The following CAMK4 variants were observed in gnomAD, a reference collection of about 807,000 sequenced individuals.
CAMK4 encodes calcium/calmodulin-dependent protein kinase type IV.
CAMK4 carries 22 observed loss-of-function variants against 44.9 expected under a neutral mutation model. The observed-to-expected ratio is 0.49, with a 90% CI of 0.35 to 0.70. The LOEUF (loss-of-function observed/expected upper bound fraction) is 0.70, where lower values mean the gene tolerates loss of function less well. Ranked by LOEUF, CAMK4 falls within the 30% of genes least tolerant of loss-of-function variation. The pLI is 0.01. For missense variants in CAMK4, 498 were observed against 586.8 expected (o/e 0.85, Z 1.56); for synonymous variants, 218 against 215.4 (o/e 1.01, Z -0.11).
intron 2 of CAMK4, among the ~76,000 whole-genome samples, chr5:111,360,596 C>T (rs377132990): frequency 5.3e-5 from 8 of 152,098 alleles, no homozygotes; most frequent in African/African-American, 1.4e-4. Flanking sequence ...TGTGTGCATA[C>T]TACCCAATTA....
chr5:111,477,032 T>C (rs1182766894), intron 8 of CAMK4, among the ~76,000 whole-genome samples: 1 of 152,170 alleles, frequency 6.6e-6, no homozygotes, highest in Non-Finnish European at 1.5e-5. Flanking sequence ...CATGACTAAC[T>C]GCAACAGGCC....
At chr5:111,420,489 G>A (rs1379004315) in intron 5 of CAMK4, among the ~76,000 whole-genome samples, 1 of 152,162 alleles carries the variant, frequency 6.6e-6, no homozygotes, top group Non-Finnish European at 1.5e-5. Context: ...GAATAGGAGT[G>A]GTGAGAGAGG....
chr5:111,322,509 T>C (rs1748705935), intron 1 of CAMK4, among the ~76,000 whole-genome samples: 1 of 152,112 alleles, frequency 6.6e-6, no homozygotes, highest in Non-Finnish European at 1.5e-5. Context: ...AACTGCCTGC[T>C]ACTAAAAAAA....
In CAMK4 at chr5:111,255,683, A is replaced by G. The variant is rs76064902; in HGVS notation, c.161+31039A>G. Among the ~76,000 whole-genome samples, 644 of 152,316 alleles carry G rather than the reference A, an allele frequency of 4.2e-3. 3 individuals carry two copies. The highest frequency in any genetic ancestry group is 0.015 in the African/African-American group (610 of 41,566). On this transcript the variant is annotated intron_variant, in intron 1 of 10. Transcript: ENST00000282356. ...TGTGTGTTTGCATACCCGAAGCCCC[A>G]GACCATTCTTGCAAAGCCTCCATTA...
At chr5:111,437,662 G>C (rs1163029300) in intron 5 of CAMK4, among the ~76,000 whole-genome samples, 1 of 152,178 alleles carries the variant, frequency 6.6e-6, no homozygotes, top group Admixed American at 6.5e-5. Flanking sequence ...AGGATGAGGA[G>C]AGCTGGCCAG....
chr5:111,436,350 C>T (rs1753646550), intron 5 of CAMK4, among the ~76,000 whole-genome samples: 1 of 152,272 alleles, frequency 6.6e-6, no homozygotes, highest in East Asian at 1.9e-4. Flanking sequence ...GTAGAGGAGA[C>T]TCATGCCACT....
At chr5:111,339,698 T>C (rs763539034) in intron 1 of CAMK4, among the ~76,000 whole-genome samples, 2 of 151,480 alleles carry the variant, frequency 1.3e-5, no homozygotes, top group Non-Finnish European at 3.0e-5. Context: ...AAGATTACTT[T>C]GACTATTTGG....
chr5:111,376,992 CA>C, intron 4 of CAMK4, 50 bp downstream of exon 4: 14 of 1,145,592 alleles, frequency 1.2e-5, no homozygotes, highest in South Asian at 4.1e-5. Context: ...TTTTGGCCAC[CA>C]AAAAATAATC....
intron 7 of CAMK4, among the ~76,000 whole-genome samples, chr5:111,451,161 T>G (rs1754218259): frequency 6.6e-6 from 1 of 152,134 alleles, no homozygotes; most frequent in Admixed American, 6.5e-5. Flanking sequence ...TCACCAAGAT[T>G]CCACATCTAG....
chr5:111,385,325 G>A (rs541851574), intron 4 of CAMK4, among the ~76,000 whole-genome samples: 94 of 151,976 alleles, frequency 6.2e-4, no homozygotes, highest in Non-Finnish European at 8.2e-4. Context: ...ATTGCTTCAG[G>A]AAGGAGTAAA....
At chr5:111,231,664 A>C (rs1748484669) in intron 1 of CAMK4, among the ~76,000 whole-genome samples, 1 of 152,158 alleles carries the variant, frequency 6.6e-6, no homozygotes, top group African/African-American at 2.4e-5. Flanking sequence ...TTTCTGTTTT[A>C]TGTGTATTCC....
At chr5:111,263,797 T>C (rs1237444529) in intron 1 of CAMK4, among the ~76,000 whole-genome samples, 1 of 152,156 alleles carries the variant, frequency 6.6e-6, no homozygotes, top group Non-Finnish European at 1.5e-5. Flanking sequence ...GCGGAAGCAG[T>C]GTGGATTCTG....
chr5:111,302,168 A>C (rs978241570), intron 1 of CAMK4: 2 of 152,178 alleles, frequency 1.3e-5, no homozygotes, highest in African/African-American at 4.8e-5. Flanking sequence ...CTGTAAATTA[A>C]ACATTTTTGG....
chr5:111,477,054 G>C (rs1343306476), intron 8 of CAMK4, among the ~76,000 whole-genome samples: 1 of 152,196 alleles, frequency 6.6e-6, no homozygotes, highest in Non-Finnish European at 1.5e-5. Context: ...TAGGTTTCTA[G>C]TGTTGTGGAG....
chr5:111,467,082 G>A (rs565015966), intron 7 of CAMK4, among the ~76,000 whole-genome samples: 8 of 152,078 alleles, frequency 5.3e-5, no homozygotes, highest in African/African-American at 1.2e-4. Flanking sequence ...AAAACAAAGC[G>A]GGGAAAGGAT....
chr5:111,253,795 T>A (rs934069088), intron 1 of CAMK4, among the ~76,000 whole-genome samples: 4 of 152,210 alleles, frequency 2.6e-5, no homozygotes, highest in African/African-American at 9.6e-5. Flanking sequence ...TTTAATTTTC[T>A]AATTTGATAT....
intron 2 of CAMK4, among the ~76,000 whole-genome samples, chr5:111,373,163 A>G (rs1355348964): frequency 1.3e-5 from 2 of 152,194 alleles, no homozygotes; most frequent in African/African-American, 4.8e-5. Context: ...AAAACATCCC[A>G]TGCCTCTTGA....
chr5:111,394,250 A>G (rs1442983301), intron 4 of CAMK4, among the ~76,000 whole-genome samples: 1 of 152,158 alleles, frequency 6.6e-6, no homozygotes, highest in East Asian at 1.9e-4. Flanking sequence ...TTTATCTTTT[A>G]GAGATAACCT....
At chr5:111,389,171 T>G (rs991033179) in intron 4 of CAMK4, among the ~76,000 whole-genome samples, 7 of 152,182 alleles carry the variant, frequency 4.6e-5, no homozygotes, top group African/African-American at 1.7e-4. Context: ...GATGGCACTT[T>G]CTAGCTGTGT....
Sources: gnomAD v4.1 joint callset for allele counts (sites outside exome capture counted in the v4.1 genomes callset) on GRCh38, gnomAD v4.1.1 for gene constraint, MANE v1.5 for transcripts, NCBI Gene and HGNC (gene_info 2026-07-23, HGNC 2026-07-21) for gene names.